Variants in NOPCHAP1 observed in about 807,000 individuals in gnomAD.
NOPCHAP1 encodes NOP protein chaperone 1.
A neutral mutation model predicts 14.0 loss-of-function variants in NOPCHAP1; 13 were observed. The observed-to-expected ratio is 0.93, with a 90% CI of 0.60 to 1.47. NOPCHAP1 has a LOEUF of 1.47. Among genes scored for constraint, NOPCHAP1 ranks in the 40% most tolerant of loss-of-function variants. The pLI, the probability that NOPCHAP1 is intolerant of heterozygous loss-of-function variation, is 0.00. For missense variants in NOPCHAP1, 230 were observed against 226.9 expected (o/e 1.01, Z -0.09); for synonymous variants, 78 against 78.4 (o/e 1.00, Z 0.03).
At position 104,986,531 on chromosome 12, in the gene NOPCHAP1, G is replaced by C. The variant is rs1873239949; in HGVS notation, c.115+64G>C. On this transcript the variant is annotated intron_variant, in intron 1 of 3. Transcript: ENST00000552951. The stretch of plus-strand genomic sequence containing the variant: ...CGGCAGAGGAGGCGCGGCCGGTGCA[G>C]TTTGGGAGCCGGCCGGTGGCTCCCT... 10 of 1,379,396 alleles carry C rather than the reference G, an allele frequency of 7.2e-6. No individual in the cohort carries two copies. In the South Asian group the frequency reaches 1.4e-4, roughly 19 times the overall value. The allele number at this position is 1,379,396 out of a possible 1,614,324, so 85.4% of individuals were successfully genotyped here. A position where few individuals can be genotyped will look rare whatever the true frequency, so the allele number is the denominator to read the frequency against.
At chr12:104,991,672 A>G (rs1053886534) in intron 2 of NOPCHAP1, 40 bp from the exon 3 acceptor site, 1 of 1,544,864 alleles carries the variant, frequency 6.5e-7, no homozygotes, top group Admixed American at 2.2e-5. Flanking sequence ...TTCAGAATTT[A>G]CTAGCATAAA....
In NOPCHAP1 at chr12:105,009,449, C is replaced by T. The variant is rs573556717; in HGVS notation, c.*14753C>T. The stretch of plus-strand genomic sequence containing the variant: ...CTTCCTCTCTTCCTATTTTTATACC[C>T]TTTATTTCTTTCTCTTGCCTGCTTG... On this transcript the variant is annotated 3_prime_UTR_variant, in exon 4 of 4. Transcript: ENST00000552951. 4 of 152,218 alleles carry T rather than the reference C, an allele frequency of 2.6e-5. No homozygotes were observed. The highest frequency in any genetic ancestry group is 1.9e-4 in the East Asian group (1 of 5,180). The allele number at this position is 152,218 out of a possible 1,614,324, so 9.4% of individuals were successfully genotyped here.
Position 104,991,828 on chromosome 12 carries a change from C to T in NOPCHAP1, c.319C>T (p.His107Tyr), listed in dbSNP as rs777858752. 1 of 1,610,936 alleles carries T rather than the reference C, an allele frequency of 6.2e-7. No individual in the cohort carries two copies. Among genetic ancestry groups the T allele is most frequent in the East Asian group, 2.2e-5 (1 of 44,842 alleles). ...RFNIENIDGPHSKVIQMDVAL... is the reference protein window; with the variant it reads ...RFNIENIDGPYSKVIQMDVAL... ...CAATATTGAAAACATTGATGGGCCT[C>T]ATAGTAAAGTTATACAAATGGTAAC... Residue 107 changes from histidine to tyrosine, a missense_variant, in exon 3 of 4, where the codon CAT (histidine) becomes TAT (tyrosine). Physicochemically the swap from His to Tyr is moderately conservative, Grantham distance 83. Coordinates refer to ENST00000552951, the MANE Select transcript of NOPCHAP1 (RefSeq NM_152318.3).
In NOPCHAP1 at chr12:105,012,220, T is replaced by C. The variant is rs906453517; in HGVS notation, c.*17524T>C. 1 of 152,226 alleles carries C rather than the reference T, an allele frequency of 6.6e-6. No individual in the cohort carries two copies. The highest frequency in any genetic ancestry group is 2.4e-5 in the African/African-American group (1 of 41,452). 9.4% of individuals were successfully genotyped at this position (152,226 alleles called of 1,614,324 possible). A position where few individuals can be genotyped will look rare whatever the true frequency, so the allele number is the denominator to read the frequency against. On this transcript the variant is annotated 3_prime_UTR_variant, in exon 4 of 4. Coordinates refer to ENST00000552951, the MANE Select transcript of NOPCHAP1 (RefSeq NM_152318.3). Reference sequence around the variant, plus strand: ...TTTTTTCTCTAATCTGTCTTCACGCTTTATTTCATTAAGTTGATCTTCAAT... The same window carrying C: ...TTTTTTCTCTAATCTGTCTTCACGCCTTATTTCATTAAGTTGATCTTCAAT...
At position 105,005,184 on chromosome 12, in the gene NOPCHAP1, G is replaced by C. The variant is rs1305652499; in HGVS notation, c.*10488G>C. On this transcript the variant is annotated 3_prime_UTR_variant, in exon 4 of 4. Transcript: ENST00000552951. ...TTACTCATTTTGTTACCAGTGGAGG[G>C]TCTTGACTCTGAGTTGTTTGACAAA... is the stretch of plus-strand genomic sequence containing the variant. 6.6e-6 allele frequency: 1 copy of C among 152,184 alleles called. No homozygotes were observed. The highest frequency in any genetic ancestry group is 1.5e-5 in the Non-Finnish European group (1 of 68,044). 9.4% of individuals were successfully genotyped at this position (152,184 alleles called of 1,614,324 possible).
rs1441931552 is a variant in NOPCHAP1 at position 105,003,577 on chromosome 12, A to G, written c.*8881A>G. On this transcript the variant is annotated 3_prime_UTR_variant, in exon 4 of 4. Coordinates refer to ENST00000552951, the MANE Select transcript of NOPCHAP1 (RefSeq NM_152318.3). ...TGGTTACAATAGACCCAGCAAATAC[A>G]TTCATTTGGTCACTAGGGTGCTCCT... 6.6e-6 allele frequency: 1 copy of G among 152,232 alleles called. No individual in the cohort carries two copies. The highest frequency in any genetic ancestry group is 1.5e-5 in the Non-Finnish European group (1 of 68,042). 9.4% of individuals were successfully genotyped at this position (152,232 alleles called of 1,614,324 possible).
In NOPCHAP1 at chr12:105,016,065, A is replaced by G. The variant is rs909922180; in HGVS notation, c.*21369A>G. ...AAAGAGTGGAAAATTCATCCCCATA[A>G]ATATTAAAAACTAGTGTGTTGCAAA... is the stretch of plus-strand genomic sequence containing the variant. On this transcript the variant is annotated 3_prime_UTR_variant, in exon 4 of 4. Transcript: ENST00000552951. 1.1e-4 allele frequency: 16 copies of G among 152,136 alleles called. No individual in the cohort carries two copies. The highest frequency in any genetic ancestry group is 8.3e-4 in the South Asian group (4 of 4,834). The allele number at this position is 152,136 out of a possible 1,614,324, so 9.4% of individuals were successfully genotyped here.
rs1051500327 is a variant in NOPCHAP1 at position 105,006,537 on chromosome 12, G to C, written c.*11841G>C. On this transcript the variant is annotated 3_prime_UTR_variant, in exon 4 of 4. Coordinates refer to ENST00000552951, the MANE Select transcript of NOPCHAP1 (RefSeq NM_152318.3). The stretch of plus-strand genomic sequence containing the variant: ...GATACTTCTTGACCTTAGAGACAAA[G>C]CATTGATGGAACCAATCCAGACAAA... 5.9e-5 allele frequency: 9 copies of C among 152,170 alleles called. 1 individual carries two copies. Among genetic ancestry groups the C allele is most frequent in the Admixed American group, 2.0e-4 (3 of 15,282 alleles). 9.4% of individuals were successfully genotyped at this position (152,170 alleles called of 1,614,324 possible).
chr12:105,014,166 A>G lies in NOPCHAP1; in HGVS notation c.*19470A>G, dbSNP rs567208017. The stretch of plus-strand genomic sequence containing the variant: ...AGTTAATTTTATGCAGTTATGATTT[A>G]ATACTGTGTCTTTGCATTTGTTTGT... On this transcript the variant is annotated 3_prime_UTR_variant, in exon 4 of 4. Transcript: ENST00000552951. 28 of 152,326 alleles carry G rather than the reference A, an allele frequency of 1.8e-4. No individual in the cohort carries two copies. The highest frequency in any genetic ancestry group is 6.7e-4 in the African/African-American group (28 of 41,574). The allele number at this position is 152,326 out of a possible 1,614,324, so 9.4% of individuals were successfully genotyped here.
In NOPCHAP1 at chr12:105,010,804, C is replaced by T. The variant is rs1260420560; in HGVS notation, c.*16108C>T. On this transcript the variant is annotated 3_prime_UTR_variant, in exon 4 of 4. Coordinates refer to ENST00000552951, the MANE Select transcript of NOPCHAP1 (RefSeq NM_152318.3). ...TGCATTTTTTAGTGAATTTCTTAAT[C>T]CTGAGTTTTAATTTGATTGCACTGT... 1.3e-5 allele frequency: 2 copies of T among 152,140 alleles called. No homozygotes were observed. Among genetic ancestry groups the T allele is most frequent in the East Asian group, 3.8e-4 (2 of 5,204 alleles). The allele number at this position is 152,140 out of a possible 1,614,324, so 9.4% of individuals were successfully genotyped here. A position where few individuals can be genotyped will look rare whatever the true frequency, so the allele number is the denominator to read the frequency against.
chr12:104,988,196 C>T lies in NOPCHAP1; in HGVS notation c.145C>T (p.Gln49Ter). The change falls in exon 2 of 4, where the codon CAA becomes TAA. Residue 49 changes from glutamine (Q) to a stop codon, truncating the protein, a stop_gained. Transcript: ENST00000552951. LOFTEE classifies it high-confidence loss of function. ...GIWDRLLINS[Q>*]PKSRKTSTLQ... is the part of the protein sequence containing the mutation. The stretch of plus-strand genomic sequence containing the variant: ...ATGGGACAGGTTGCTCATCAACTCC[C>T]AACCTAAGTCCAGAAAGACCTCCAC... 6.2e-7 allele frequency: 1 copy of T among 1,613,040 alleles called. No homozygotes were observed. The highest frequency in any genetic ancestry group is 8.5e-7 in the Non-Finnish European group (1 of 1,179,396).
chr12:104,992,603 C>T (rs1341243187), intron 3 of NOPCHAP1, among the ~76,000 whole-genome samples: 1 of 152,154 alleles, frequency 6.6e-6, no homozygotes, highest in Admixed American at 6.5e-5. Context: ...GGTTCCCAAC[C>T]CCCAGGCTGT....
rs1422207522 is a variant in NOPCHAP1, at chr12:105,003,003, G to A, written c.*8307G>A. The A allele has an allele frequency of 6.6e-6, 1 of 152,164 alleles. No individual in the cohort carries two copies. The highest frequency in any genetic ancestry group is 1.5e-5 in the Non-Finnish European group (1 of 68,026). The allele number at this position is 152,164 out of a possible 1,614,324, so 9.4% of individuals were successfully genotyped here. On this transcript the variant is annotated 3_prime_UTR_variant, in exon 4 of 4. Transcript: ENST00000552951. ...ACTCAGAGTATTGAGGTAAAGATGGGTAAAGAGAAAGAACAAAACAGGTTT... is the reference window on the plus strand; with the variant it reads ...ACTCAGAGTATTGAGGTAAAGATGGATAAAGAGAAAGAACAAAACAGGTTT...
At position 105,015,090 on chromosome 12, in the gene NOPCHAP1, G is replaced by A. The variant is rs924868563; in HGVS notation, c.*20394G>A. 5 of 152,154 alleles carry A rather than the reference G, an allele frequency of 3.3e-5. No individual in the cohort carries two copies. The highest frequency in any genetic ancestry group is 7.3e-5 in the Non-Finnish European group (5 of 68,028). The allele number at this position is 152,154 out of a possible 1,614,324, so 9.4% of individuals were successfully genotyped here. A position where few individuals can be genotyped will look rare whatever the true frequency, so the allele number is the denominator to read the frequency against. On this transcript the variant is annotated 3_prime_UTR_variant, in exon 4 of 4. Coordinates refer to ENST00000552951, the MANE Select transcript of NOPCHAP1 (RefSeq NM_152318.3). ...GAAGATAATTATCCAGGTCCTTTCT[G>A]ATCTTTCTTATTGGAAATTGGAACC...
In NOPCHAP1 at chr12:104,999,636, C is replaced by G. The variant is rs549757016; in HGVS notation, c.*4940C>G. 6.6e-6 allele frequency: 1 copy of G among 152,070 alleles called. No individual in the cohort carries two copies. Among genetic ancestry groups the G allele is most frequent in the African/African-American group, 2.4e-5 (1 of 41,362 alleles). The allele number at this position is 152,070 out of a possible 1,614,324, so 9.4% of individuals were successfully genotyped here. A position where few individuals can be genotyped will look rare whatever the true frequency, so the allele number is the denominator to read the frequency against. ...CTGGCCATGATCCACTACAGATGCT[C>G]CCGCACCAAAGCCTCTGGGCTCTGC... On this transcript the variant is annotated 3_prime_UTR_variant, in exon 4 of 4. Coordinates refer to ENST00000552951, the MANE Select transcript of NOPCHAP1 (RefSeq NM_152318.3).
At chr12:104,987,954 G>A (rs1262181089) in intron 1 of NOPCHAP1, among the ~76,000 whole-genome samples, 3 of 152,304 alleles carry the variant, frequency 2.0e-5, no homozygotes, top group South Asian at 4.1e-4. Flanking sequence ...GGTGATAGAG[G>A]TGAATGAGAC....
Position 105,015,021 on chromosome 12 carries a change from TTTCCAA to T in NOPCHAP1, c.*20329_*20334del, listed in dbSNP as rs1435163622. Reference sequence around the variant, plus strand: ...TTCGGGTTTTCTTTGAATTCTGTTCTTTCCAATTCTTCACATTGGCCTGAGTCTTCT... The same window carrying T: ...TTCGGGTTTTCTTTGAATTCTGTTCTTTCTTCACATTGGCCTGAGTCTTCT... On this transcript the variant is annotated 3_prime_UTR_variant, in exon 4 of 4. Transcript: ENST00000552951. 6.6e-6 allele frequency: 1 copy of T among 152,260 alleles called. No homozygotes were observed. Among genetic ancestry groups the T allele is most frequent in the African/African-American group, 2.4e-5 (1 of 41,478 alleles). 9.4% of individuals were successfully genotyped at this position (152,260 alleles called of 1,614,324 possible). A position where few individuals can be genotyped will look rare whatever the true frequency, so the allele number is the denominator to read the frequency against.
rs1873809716 is a variant in NOPCHAP1, at chr12:105,011,077, GTTAA to G, written c.*16382_*16385del. On this transcript the variant is annotated 3_prime_UTR_variant, in exon 4 of 4. Transcript: ENST00000552951. Reference sequence around the variant, plus strand: ...ATCTATCTAATACTGACAGTGGGGTGTTAAAGTCTCCCACTATTATTGTGTGGGA... The same window carrying G: ...ATCTATCTAATACTGACAGTGGGGTGAGTCTCCCACTATTATTGTGTGGGA... The G allele has an allele frequency of 6.6e-6, 1 of 152,316 alleles. No individual in the cohort carries two copies. The highest frequency in any genetic ancestry group is 2.1e-4 in the South Asian group (1 of 4,824). The allele number at this position is 152,316 out of a possible 1,614,324, so 9.4% of individuals were successfully genotyped here.
In NOPCHAP1 at chr12:104,995,196, G is replaced by T. The variant is rs950614211; in HGVS notation, c.*500G>T. ...TACAGGAATAACTTGATGGGTTACA[G>T]CTAGGTGTTTGCCTAAATAAGGCAA... On this transcript the variant is annotated 3_prime_UTR_variant, in exon 4 of 4. Transcript: ENST00000552951. 162 of 159,706 alleles carry T rather than the reference G, an allele frequency of 1.0e-3. 1 individual carries two copies. Among genetic ancestry groups the T allele is most frequent in the Non-Finnish European group, 2.4e-4 (18 of 73,844 alleles). The allele number at this position is 159,706 out of a possible 1,614,324, so 9.9% of individuals were successfully genotyped here.
Sources: allele counts gnomAD v4.1 joint callset (sites outside exome capture counted in the v4.1 genomes callset), GRCh38; gene constraint gnomAD v4.1.1; transcripts MANE v1.5; gene names NCBI Gene and HGNC (gene_info 2026-07-23, HGNC 2026-07-21).